The following PPP1R12C variants were observed in gnomAD, a reference collection of about 807,000 sequenced individuals.
PPP1R12C encodes the protein leukocyte receptor cluster (LRC) encoded novel gene 3.
In PPP1R12C, 48 loss-of-function variants were observed where a neutral mutation model predicts 95.6. The ratio of observed to expected loss-of-function variants is 0.50; its 90% CI spans 0.40 to 0.64. The LOEUF is 0.64. Ranked by LOEUF, PPP1R12C falls within the 30% of genes least tolerant of loss-of-function variation. The probability of loss-of-function intolerance (pLI) is 0.00; values close to 1 mark genes in which losing one functional copy is unlikely to be tolerated. For missense variants in PPP1R12C, 1,057 were observed against 1,083.3 expected (o/e 0.98, Z 0.34); for synonymous variants, 480 against 460.8 (o/e 1.04, Z -0.53).
intron 3 of PPP1R12C, among the ~76,000 whole-genome samples, chr19:55,104,299 A>G (rs1261465495): frequency 6.7e-6 from 1 of 148,534 alleles, no homozygotes; most frequent in Non-Finnish European, 1.5e-5. Context: ...TAACACCTAT[A>G]TATACACATT....
intron 1 of PPP1R12C, chr19:55,113,216 T>C (rs2147213505): frequency 2.0e-6 from 1 of 511,234 alleles, no homozygotes; most frequent in Non-Finnish European, 3.4e-6. Context: ...CAGCCCCTCC[T>C]GCCTTAAACC....
chr19:55,107,664 C>T (rs192757233), intron 3 of PPP1R12C, among the ~76,000 whole-genome samples: 23 of 135,246 alleles, frequency 1.7e-4, no homozygotes, highest in African/African-American at 6.0e-4. Flanking sequence ...AACACTTGGA[C>T]ACAGGAAGGG....
chr19:55,091,608 A>AC, intron 21 of PPP1R12C, 42 bp downstream of exon 21: 20 of 741,576 alleles, frequency 2.7e-5, no homozygotes, highest in Non-Finnish European at 4.0e-5. Flanking sequence ...TTGCACCCCC[A>AC]CCCACCCTCG....
chr19:55,111,091 G>C (rs917604923), intron 3 of PPP1R12C, among the ~76,000 whole-genome samples: 4 of 135,330 alleles, frequency 3.0e-5, no homozygotes, highest in Non-Finnish European at 4.7e-5. Flanking sequence ...TTTATGTGAA[G>C]TGTACAAAAC....
chr19:55,098,029 G>A (rs558845950), intron 6 of PPP1R12C, among the ~76,000 whole-genome samples: 13 of 152,180 alleles, frequency 8.5e-5, no homozygotes, highest in South Asian at 4.1e-4. Flanking sequence ...CCTCCACTTC[G>A]CTCCTGCCAA....
At chr19:55,107,353 G>A (rs1031128912) in intron 3 of PPP1R12C, among the ~76,000 whole-genome samples, 1 of 152,152 alleles carries the variant, frequency 6.6e-6, no homozygotes, top group African/African-American at 2.4e-5. Context: ...GGCAGAGGTT[G>A]CAGTGAGTCA....
intron 4 of PPP1R12C, among the ~76,000 whole-genome samples, chr19:55,101,241 C>T (rs1267212740): frequency 1.3e-5 from 2 of 152,016 alleles, no homozygotes; most frequent in Admixed American, 1.3e-4. Context: ...AGCGAGACTC[C>T]ATCTCAAAAG....
chr19:55,092,711 G>C (rs1203844904), intron 16 of PPP1R12C, 49 bp from the exon 17 acceptor site: 2 of 1,527,638 alleles, frequency 1.3e-6, no homozygotes, highest in Non-Finnish European at 1.8e-6. Context: ...GGACTTTAGC[G>C]GGTATGGGAA....
rs1167236935 is a variant in PPP1R12C, at chr19:55,091,116, G to T, written c.*356C>A. 2.1e-5 allele frequency: 7 copies of T among 335,246 alleles called. No homozygotes were observed. The East Asian group carries it at 4.4e-4, about 21-fold the overall frequency. The allele number at this position is 335,246 out of a possible 1,614,324, so 20.8% of individuals were successfully genotyped here. On this transcript the variant is annotated 3_prime_UTR_variant, in exon 22 of 22. Transcript: ENST00000263433. ...CACATTCTTGGATCCCTGCTCAGGA[G>T]GGGAGGGGTGACGGGGTGGCATCAC...
At chr19:55,105,430 G>T (rs1463267898) in intron 3 of PPP1R12C, among the ~76,000 whole-genome samples, 4 of 152,154 alleles carry the variant, frequency 2.6e-5, no homozygotes, top group African/African-American at 9.7e-5. Flanking sequence ...CCCTTGCCCA[G>T]GGGTCAGAAA....
Position 55,112,561 on chromosome 19 carries a change from G to C in PPP1R12C, c.477C>G (p.Asn159Lys), listed in dbSNP as rs746378307. The C allele has an allele frequency of 4.3e-6, 7 of 1,613,372 alleles. No individual in the cohort carries two copies. Among genetic ancestry groups the C allele is most frequent in the East Asian group, 2.2e-5 (1 of 44,856 alleles). The change falls in exon 3 of 22, where the codon AAC (asparagine) becomes AAG (lysine). Residue 159 changes from asparagine (N) to lysine (K), a missense_variant. Transcript: ENST00000263433. ...IARYLLSHGA[N>K]IAAVNSDGDL... ...CCCCGTCACTGTTGACGGCGGCGATGTTGGCCCCGTGGCTCAGGAGGTACC... is the reference window on the plus strand; with the variant it reads ...CCCCGTCACTGTTGACGGCGGCGATCTTGGCCCCGTGGCTCAGGAGGTACC...
chr19:55,099,386 T>C (rs992101027), intron 4 of PPP1R12C, among the ~76,000 whole-genome samples: 6 of 152,084 alleles, frequency 3.9e-5, no homozygotes, highest in African/African-American at 1.4e-4. Flanking sequence ...GATTCCAAGG[T>C]GGCAGCAGCG....
Position 55,091,181 on chromosome 19 carries a change from G to A in PPP1R12C, c.*291C>T, listed in dbSNP as rs1258676814. Reference sequence around the variant, plus strand: ...CCTCCAGGCGGCCACTCTGGTCCTGGCTACTGATCCTTGCACTTCTTGGTC... The same window carrying A: ...CCTCCAGGCGGCCACTCTGGTCCTGACTACTGATCCTTGCACTTCTTGGTC... On this transcript the variant is annotated 3_prime_UTR_variant, in exon 22 of 22. Coordinates refer to ENST00000263433, the MANE Select transcript of PPP1R12C (RefSeq NM_017607.4). The A allele has an allele frequency of 2.1e-6, 1 of 465,824 alleles. No homozygotes were observed. Among genetic ancestry groups the A allele is most frequent in the Admixed American group, 3.7e-5 (1 of 26,814 alleles). 28.9% of individuals were successfully genotyped at this position (465,824 alleles called of 1,614,324 possible). A position where few individuals can be genotyped will look rare whatever the true frequency, so the allele number is the denominator to read the frequency against.
At chr19:55,099,432 A>G (rs1300825052) in intron 4 of PPP1R12C, among the ~76,000 whole-genome samples, 2 of 152,204 alleles carry the variant, frequency 1.3e-5, no homozygotes, top group African/African-American at 2.4e-5. Flanking sequence ...ATGCAAGTGC[A>G]GGACCCTTGC....
At chr19:55,113,615 G>A in intron 1 of PPP1R12C, 1 of 1,283,172 alleles carries the variant, frequency 7.8e-7, no homozygotes, top group Non-Finnish European at 9.9e-7. Flanking sequence ...GCTGAGGAAG[G>A]AGTGAAGCTA....
Position 55,092,253 on chromosome 19 carries a change from T to A in PPP1R12C, c.2129A>T (p.Gln710Leu). 1 of 1,588,648 alleles carries A rather than the reference T, an allele frequency of 6.3e-7. No individual in the cohort carries two copies. Among genetic ancestry groups the A allele is most frequent in the South Asian group, 1.1e-5 (1 of 87,938 alleles). ...ALTETTLRLA[Q>L]LKVELERATQ... ...GGCCCGCTCCAGCTCCACCTTGAGC[T>A]GCGCCAGCCGCAGCGTGGTCTCGGT... The change falls in exon 19 of 22, where the codon CAG becomes CTG. Residue 710 changes from glutamine to leucine, a missense_variant. By Grantham distance (113) the Gln-to-Leu change is moderately radical (BLOSUM62 -2). Around this residue, in one of 5 missense-constraint regions of PPP1R12C, gnomAD observed 347 missense variants for 307.9 expected, o/e 1.13. Transcript: ENST00000263433.
chr19:55,105,480 T>G (rs947362436), intron 3 of PPP1R12C, among the ~76,000 whole-genome samples: 1 of 150,128 alleles, frequency 6.7e-6, no homozygotes, highest in Non-Finnish European at 1.5e-5. Context: ...TGTGTTTTCT[T>G]TATCTTTTGT....
In PPP1R12C at chr19:55,117,407, G is replaced by C. The variant is rs2085167032; in HGVS notation, c.137C>G (p.Thr46Ser). 1.9e-6 allele frequency: 2 copies of C among 1,029,360 alleles called. No homozygotes were observed. Among genetic ancestry groups the C allele is most frequent in the South Asian group, 4.4e-5 (1 of 22,934 alleles). 63.8% of individuals were successfully genotyped at this position (1,029,360 alleles called of 1,614,324 possible). ...EPGPGERRAR[T>S]VRFERAAEFL... ...CTCGGCGGCGCGCTCGAAGCGGACG[G>C]TGCGGGCGCGGCGCTCTCCGGGGCC... Residue 46 changes from threonine (T) to serine (S), a missense_variant, in exon 1 of 22, where the codon ACC becomes AGC. By Grantham distance (58) the Thr-to-Ser change is moderately conservative. Transcript: ENST00000263433.
At position 55,108,770 on chromosome 19, in the gene PPP1R12C, G is replaced by C. The variant is rs192055358; in HGVS notation, c.571+3697C>G. Among the ~76,000 whole-genome samples the C allele has an allele frequency of 3.7e-3, 563 of 152,266 alleles. 4 individuals are homozygous for C. The highest frequency in any genetic ancestry group is 5.4e-3 in the Non-Finnish European group (367 of 68,018). ...TGCTCAGGCTAGAGTGCAGTGGCAC[G>C]ATCTTGGCTCACCACAACCTCCACC... On this transcript the variant is annotated intron_variant, in intron 3 of 21. Transcript: ENST00000263433.
Sources: allele counts gnomAD v4.1 joint callset (sites outside exome capture counted in the v4.1 genomes callset), GRCh38; gene constraint gnomAD v4.1.1; regional missense constraint gnomAD v4.1.1; transcripts MANE v1.5; gene names NCBI Gene and HGNC (gene_info 2026-07-23, HGNC 2026-07-21).